Variants in PTPRE observed in about 807,000 individuals in gnomAD.
PTPRE encodes protein tyrosine phosphatase receptor type E.
A neutral mutation model predicts 102.0 loss-of-function variants in PTPRE; 51 were observed. The ratio of observed to expected loss-of-function variants is 0.50; its 90% CI spans 0.40 to 0.63. The LOEUF is 0.63. Ranked by LOEUF, PTPRE falls within the 30% of genes least tolerant of loss-of-function variation. The pLI is 0.00. For missense variants in PTPRE, 752 were observed against 915.1 expected (o/e 0.82, Z 2.30); for synonymous variants, 345 against 348.2 (o/e 0.99, Z 0.10).
intron 1 of PTPRE, among the ~76,000 whole-genome samples, chr10:127,953,002 A>C (rs929233661): frequency 2.0e-5 from 3 of 152,202 alleles, no homozygotes; most frequent in African/African-American, 7.2e-5. Flanking sequence ...TCCCTTCTGA[A>C]GTGAAGGATA....
chr10:128,055,897 ACCACTGTTCACC>A (rs1414140236), intron 6 of PTPRE, among the ~76,000 whole-genome samples: 1 of 152,130 alleles, frequency 6.6e-6, no homozygotes, highest in African/African-American at 2.4e-5. Flanking sequence ...CTTTGGCCAC[ACCACTGTTCACC>A]CCACATGAAA....
chr10:128,019,099 A>AT, intron 2 of PTPRE, among the ~76,000 whole-genome samples: 1 of 152,334 alleles, frequency 6.6e-6, no homozygotes, highest in African/African-American at 2.4e-5. Context: ...GCATTGGGGC[A>AT]TCCCCTGGTC....
chr10:128,083,984 A>T lies in PTPRE; in HGVS notation c.*1078A>T, dbSNP rs1851914880. On this transcript the variant is annotated 3_prime_UTR_variant, in exon 21 of 21. Transcript: ENST00000254667. ...AAAAGAATCCTTAAAATCTAGATTT[A>T]TACCATTTTTTAAAGTCCCACCTTT... The T allele has an allele frequency of 6.6e-6, 1 of 152,194 alleles. No individual in the cohort carries two copies. The highest frequency in any genetic ancestry group is 6.5e-5 in the Admixed American group (1 of 15,276). 9.4% of individuals were successfully genotyped at this position (152,194 alleles called of 1,614,324 possible).
chr10:127,988,536 C>T (rs1323987387), intron 2 of PTPRE, among the ~76,000 whole-genome samples: 1 of 152,114 alleles, frequency 6.6e-6, no homozygotes, highest in Non-Finnish European at 1.5e-5. Context: ...AACTCCTGAC[C>T]TCAGGTGATC....
intron 1 of PTPRE, among the ~76,000 whole-genome samples, chr10:127,908,257 T>A (rs570286845): frequency 1.1e-4 from 16 of 152,280 alleles, no homozygotes; most frequent in African/African-American, 3.9e-4. Context: ...GTGAGTTGAA[T>A]GAACACCAGC....
At chr10:127,936,919 G>A (rs887054121) in intron 1 of PTPRE, among the ~76,000 whole-genome samples, 1 of 152,148 alleles carries the variant, frequency 6.6e-6, no homozygotes, top group Non-Finnish European at 1.5e-5. Flanking sequence ...GTTTGTTGCT[G>A]TTGCTCTCTA....
At chr10:128,069,598 T>C in intron 12 of PTPRE, 94 bp from the exon 13 acceptor site, 1 of 1,518,572 alleles carries the variant, frequency 6.6e-7, no homozygotes, top group Non-Finnish European at 8.9e-7. Context: ...AAAAGTTGCA[T>C]CCAGTGACCT....
chr10:127,984,338 C>T (rs1851901570), intron 2 of PTPRE, among the ~76,000 whole-genome samples: 1 of 152,080 alleles, frequency 6.6e-6, no homozygotes, highest in Non-Finnish European at 1.5e-5. Flanking sequence ...ACCTCAGCCT[C>T]CCACAGCGCT....
intron 2 of PTPRE, among the ~76,000 whole-genome samples, chr10:127,997,638 G>T (rs1215426878): frequency 2.6e-5 from 4 of 152,114 alleles, no homozygotes; most frequent in Non-Finnish European, 5.9e-5. Context: ...ACAAATAAGA[G>T]ACAAGAAAGG....
intron 1 of PTPRE, among the ~76,000 whole-genome samples, chr10:127,943,349 T>C (rs1589794399): frequency 6.6e-6 from 1 of 152,150 alleles, no homozygotes; most frequent in East Asian, 1.9e-4. Context: ...CCTGTAACCC[T>C]CGAGTTGAGG....
intron 6 of PTPRE, among the ~76,000 whole-genome samples, chr10:128,051,780 A>C (rs1039289758): frequency 2.0e-5 from 3 of 152,198 alleles, no homozygotes; most frequent in Admixed American, 2.0e-4. Context: ...GTGGAGGGGA[A>C]GAACACTGGA....
chr10:128,072,071 G>A, intron 15 of PTPRE, 67 bp from the exon 16 acceptor site: 2 of 1,349,398 alleles, frequency 1.5e-6, no homozygotes, highest in African/African-American at 1.5e-5. Context: ...CAAGCTTGTA[G>A]CAATGGATTA....
chr10:128,015,787 G>A (rs1187842677), intron 2 of PTPRE, among the ~76,000 whole-genome samples: 2 of 152,150 alleles, frequency 1.3e-5, no homozygotes, highest in Admixed American at 6.5e-5. Context: ...CTGCAACCTG[G>A]GGGACAGAGC....
At chr10:128,078,116 GGACTT>G (rs1272606237) in intron 19 of PTPRE, among the ~76,000 whole-genome samples, 2 of 152,196 alleles carry the variant, frequency 1.3e-5, no homozygotes, top group African/African-American at 4.8e-5. Flanking sequence ...ACACACTCCT[GGACTT>G]CAAGTTCCTG....
intron 9 of PTPRE, among the ~76,000 whole-genome samples, chr10:128,062,558 G>A (rs936224347): frequency 4.6e-5 from 7 of 152,188 alleles, no homozygotes; most frequent in Admixed American, 1.3e-4. Context: ...CACTTAGCTC[G>A]GGACTGCAAA....
intron 2 of PTPRE, among the ~76,000 whole-genome samples, chr10:128,025,358 C>T (rs1211614459): frequency 6.6e-6 from 1 of 152,152 alleles, no homozygotes; most frequent in Non-Finnish European, 1.5e-5. Context: ...TCTGTCTTAG[C>T]TTTGCTGGAG....
intron 1 of PTPRE, among the ~76,000 whole-genome samples, chr10:127,963,006 A>AG (rs1849949347): frequency 6.6e-6 from 1 of 152,184 alleles, no homozygotes; most frequent in Non-Finnish European, 1.5e-5. Flanking sequence ...CTGGGTCTAT[A>AG]GGCCTTGACT....
intron 2 of PTPRE, among the ~76,000 whole-genome samples, chr10:127,984,078 C>CT (rs58130253): frequency 0.038 from 4,768 of 125,328 alleles, 188 homozygotes; most frequent in African/African-American, 0.082. Flanking sequence ...TTCTTTCTTT[C>CT]TTTTTTTTTT....
intron 2 of PTPRE, among the ~76,000 whole-genome samples, chr10:128,035,298 C>CAA (rs1483706633): frequency 2.6e-5 from 4 of 152,042 alleles, no homozygotes; most frequent in Middle Eastern, 3.4e-3. Flanking sequence ...CACACACACA[C>CAA]AAAATATGTT....
Sources: allele counts gnomAD v4.1 joint callset (sites outside exome capture counted in the v4.1 genomes callset), GRCh38; gene constraint gnomAD v4.1.1; transcripts MANE v1.5; gene names NCBI Gene and HGNC (gene_info 2026-07-23, HGNC 2026-07-21).